RBFOX1: variants seen among roughly 807,000 people sequenced by gnomAD.
The protein encoded by RBFOX1 is RNA binding protein fox-1 homolog 1.
Under a neutral mutation model 57.7 loss-of-function variants are expected in RBFOX1, and 8 were observed. That is an observed-to-expected ratio of 0.14 (90% CI 0.08 to 0.25). RBFOX1 has a LOEUF of 0.25. Ranked by LOEUF, RBFOX1 falls within the 10% of genes least tolerant of loss-of-function variation. RBFOX1 has a pLI of 1.00. For synonymous variants in RBFOX1, 326 were observed against 222.4 expected, an observed-to-expected ratio of 1.47 and a Z score of -4.15; for missense variants, 611 against 548.5, an observed-to-expected ratio of 1.11 and a Z score of -1.14.
intron 3 of RBFOX1, among the ~76,000 whole-genome samples, chr16:5,856,214 T>C (rs1317013325): frequency 2.0e-4 from 8 of 39,202 alleles, no homozygotes; most frequent in Middle Eastern, 0.014. Flanking sequence ...TATACATATA[T>C]ATGTATATAT....
chr16:5,412,545 CA>C (rs1596938710), intron 1 of RBFOX1, among the ~76,000 whole-genome samples: 1 of 152,066 alleles, frequency 6.6e-6, no homozygotes, highest in South Asian at 2.1e-4. Context: ...ATTTGTTTTG[CA>C]GGTCATTACA....
At chr16:5,552,439 G>C (rs1401823261) in intron 2 of RBFOX1, among the ~76,000 whole-genome samples, 1 of 152,188 alleles carries the variant, frequency 6.6e-6, no homozygotes, top group African/African-American at 2.4e-5. Flanking sequence ...AGCCCAAGAG[G>C]TGCGGGATGT....
At chr16:5,323,910 G>T (rs188026426) in intron 1 of RBFOX1, among the ~76,000 whole-genome samples, 93 of 152,330 alleles carry the variant, frequency 6.1e-4, no homozygotes, top group African/African-American at 2.2e-3. Flanking sequence ...CCCTTAATTA[G>T]GAACTGAGTT....
At position 5,528,024 on chromosome 16, in the gene RBFOX1, A is replaced by G. The variant is rs76118368; in HGVS notation, c.258+60770A>G. ...CTAATAGCTCACTCCTAGTCATTAT[A>G]CATCACTAATGGGTGCTCAACATTC... On this transcript the variant is annotated intron_variant, in intron 2 of 2. Transcript: ENST00000585867. Among the ~76,000 whole-genome samples, 1,466 of 152,284 alleles carry G rather than the reference A, an allele frequency of 9.6e-3. 20 individuals are homozygous for G. Among genetic ancestry groups the G allele is most frequent in the African/African-American group, 0.033 (1,385 of 41,558 alleles).
intron 1 of RBFOX1, among the ~76,000 whole-genome samples, chr16:6,117,468 G>A (rs547236170): frequency 6.6e-6 from 1 of 152,336 alleles, no homozygotes; most frequent in Non-Finnish European, 1.5e-5. Context: ...GATGTGATAG[G>A]ATTAAGAGGT....
chr16:7,622,328 C>G (rs1040488826), intron 10 of RBFOX1, among the ~76,000 whole-genome samples: 1 of 152,236 alleles, frequency 6.6e-6, no homozygotes, highest in South Asian at 2.1e-4. Flanking sequence ...AAATGATGAT[C>G]TAAGTTAAAG....
chr16:5,678,204 C>T (rs970010388), intron 3 of RBFOX1, among the ~76,000 whole-genome samples: 6 of 152,218 alleles, frequency 3.9e-5, no homozygotes, highest in Non-Finnish European at 7.3e-5. Flanking sequence ...CAGCAGCCCA[C>T]AGATGCAGGG....
At chr16:7,693,256 G>A in intron 14 of RBFOX1, 1 of 1,464,642 alleles carries the variant, frequency 6.8e-7, no homozygotes, top group Non-Finnish European at 9.6e-7. Context: ...CGAAGCAATT[G>A]GCAGAGAGCA....
At chr16:5,953,275 G>C (rs901474471) in intron 4 of RBFOX1, among the ~76,000 whole-genome samples, 1 of 152,206 alleles carries the variant, frequency 6.6e-6, no homozygotes, top group African/African-American at 2.4e-5. Context: ...AACTGGAAAT[G>C]TGTAACAATT....
chr16:7,118,783 T>C (rs150519942), intron 4 of RBFOX1, among the ~76,000 whole-genome samples: 2 of 151,990 alleles, frequency 1.3e-5, no homozygotes, highest in African/African-American at 4.8e-5. Flanking sequence ...ATTGTACACA[T>C]AAGGACAGAA....
chr16:6,019,375 C>T lies in RBFOX1; in HGVS notation c.-744C>T. The T allele has an allele frequency of 3.0e-6, 3 of 985,594 alleles. No homozygotes were observed. The highest frequency in any genetic ancestry group is 2.4e-6 in the Non-Finnish European group (2 of 830,210). The allele number at this position is 985,594 out of a possible 1,614,324, so 61.1% of individuals were successfully genotyped here. A position where few individuals can be genotyped will look rare whatever the true frequency, so the allele number is the denominator to read the frequency against. ...AGAGTCGGTGGGACTGGCTGCGCTGCCCTGAAGTGGTTCTCCAAGCAGCGC... is the reference window on the plus strand; with the variant it reads ...AGAGTCGGTGGGACTGGCTGCGCTGTCCTGAAGTGGTTCTCCAAGCAGCGC... On this transcript the variant is annotated 5_prime_UTR_variant, in exon 1 of 16. Coordinates refer to ENST00000550418, the MANE Select transcript of RBFOX1 (RefSeq NM_018723.4). This position sits in a 1 kb window ranked among gnomAD's most constrained non-coding sequence, Gnocchi z 4.2.
In RBFOX1 at chr16:7,062,892, C is replaced by CTTTTTTTTTTTTTTTTTTTTTTTTTTTT. The variant is rs1491558284; in HGVS notation, c.27+10794_27+10795insTTTTTTTTTTTTTTTTTTTTTTTTTTTT. 2.5e-4 allele frequency among the ~76,000 whole-genome samples: 15 copies of CTTTTTTTTTTTTTTTTTTTTTTTTTTTT among 59,932 alleles called. 7 individuals are homozygous for CTTTTTTTTTTTTTTTTTTTTTTTTTTTT. Among genetic ancestry groups the CTTTTTTTTTTTTTTTTTTTTTTTTTTTT allele is most frequent in the Admixed American group, 4.7e-4 (2 of 4,238 alleles). 39.3% of individuals were successfully genotyped at this position (59,932 alleles called of 152,430 possible). On this transcript the variant is annotated intron_variant, in intron 4 of 15. Coordinates refer to ENST00000550418, the MANE Select transcript of RBFOX1 (RefSeq NM_018723.4). ...TACCTCATCTCATTCAAATGATCGC[C>CTTTTTTTTTTTTTTTTTTTTTTTTTTTT]ATTTTTTTTTTTTTTTTTTTTTTTT...
chr16:5,881,332 G>T (rs1215740249), intron 4 of RBFOX1, among the ~76,000 whole-genome samples: 2 of 152,194 alleles, frequency 1.3e-5, no homozygotes, highest in Admixed American at 6.5e-5. Context: ...TCTGCCCAGT[G>T]CCTGGTTTTA....
chr16:5,519,400 G>A (rs901475377), intron 2 of RBFOX1, among the ~76,000 whole-genome samples: 45 of 152,284 alleles, frequency 3.0e-4, no homozygotes, highest in African/African-American at 9.6e-4. Flanking sequence ...TGTGGTAGGA[G>A]GCAGATATGC....
At chr16:7,567,889 A>C (rs561238073) in intron 5 of RBFOX1, among the ~76,000 whole-genome samples, 1 of 22,772 alleles carries the variant, frequency 4.4e-5, no homozygotes, top group East Asian at 4.1e-4. Flanking sequence ...GCATATGTAT[A>C]CCTATGTATA....
At chr16:5,422,032 A>T (rs2067344611) in intron 1 of RBFOX1, among the ~76,000 whole-genome samples, 1 of 152,228 alleles carries the variant, frequency 6.6e-6, no homozygotes, top group African/African-American at 2.4e-5. Flanking sequence ...TTTAAAAGCA[A>T]TTACGCAGTA....
chr16:5,379,129 G>A (rs978175596), intron 1 of RBFOX1, among the ~76,000 whole-genome samples: 1 of 151,556 alleles, frequency 6.6e-6, no homozygotes, highest in African/African-American at 2.4e-5. Context: ...GTAAGAGACG[G>A]ACCTCATGCC....
At chr16:5,622,500 C>A (rs185077551) in intron 3 of RBFOX1, among the ~76,000 whole-genome samples, 1 of 152,168 alleles carries the variant, frequency 6.6e-6, no homozygotes, top group Admixed American at 6.5e-5. Flanking sequence ...CGGAGATCTT[C>A]GTTCATGCCT....
At chr16:7,499,537 A>G (rs1381855232) in intron 4 of RBFOX1, among the ~76,000 whole-genome samples, 1 of 152,230 alleles carries the variant, frequency 6.6e-6, no homozygotes, top group East Asian at 1.9e-4. Context: ...ATATGAAAAA[A>G]TAAAAATTGA....
Sources: allele counts gnomAD v4.1 joint callset (sites outside exome capture counted in the v4.1 genomes callset), GRCh38; gene constraint gnomAD v4.1.1; non-coding constraint Gnocchi (gnomAD v3.1); transcripts MANE v1.5; gene names NCBI Gene and HGNC (gene_info 2026-07-23, HGNC 2026-07-21).